Variants in COMT observed in about 807,000 individuals in gnomAD.
COMT encodes catechol-O-methyltransferase.
Under a neutral mutation model 18.9 loss-of-function variants are expected in COMT, and 13 were observed. That is an observed-to-expected ratio of 0.69 (90% CI 0.45 to 1.09). COMT has a LOEUF of 1.09. COMT is among the 50% of genes least tolerant of loss of function. The pLI, the probability that COMT is intolerant of heterozygous loss-of-function variation, is 0.00. For synonymous variants in COMT, 150 were observed against 160.9 expected (o/e 0.93, Z 0.51); for missense variants, 329 against 361.8 (o/e 0.91, Z 0.73).
chr22:19,962,617 T>C lies in COMT; in HGVS notation c.91T>C (p.Trp31Arg). ...GCTGCTGCTTCTGAGGCACTGGGGCTGGGGCCTGTGCCTTATCGGCTGGAA... is the reference window on the plus strand; with the variant it reads ...GCTGCTGCTTCTGAGGCACTGGGGCCGGGGCCTGTGCCTTATCGGCTGGAA... ...VLLLLLRHWG[W>R]GLCLIGWNEF... Residue 31 changes from tryptophan (W) to arginine (R), a missense_variant, in exon 3 of 6, where the codon TGG becomes CGG. Physicochemically the swap from Trp to Arg is moderately radical, Grantham distance 101. Transcript: ENST00000361682. The C allele has an allele frequency of 6.2e-7, 1 of 1,600,900 alleles. No individual in the cohort carries two copies. The highest frequency in any genetic ancestry group is 8.5e-7 in the Non-Finnish European group (1 of 1,173,998).
intron 1 of COMT, among the ~76,000 whole-genome samples, chr22:19,947,850 C>T (rs1941864442): frequency 6.6e-6 from 1 of 152,158 alleles, no homozygotes; most frequent in Admixed American, 6.5e-5. Flanking sequence ...TTTTTCTAGG[C>T]ACTGACGCAA....
rs147632723 is a variant in COMT at position 19,967,496 on chromosome 22, C to T, written c.616-1040C>T. The T allele has an allele frequency of 2.1e-4, 90 of 425,086 alleles. 1 individual carries two copies. Among genetic ancestry groups the T allele is most frequent in the East Asian group, 1.3e-3 (18 of 14,210 alleles). 26.3% of individuals were successfully genotyped at this position (425,086 alleles called of 1,614,324 possible). ...CCCCTGACCTCACTGACCTTGCAGC[C>T]GTGTGGTGTCCATACTGTCACATGA... On this transcript the variant is annotated intron_variant, in intron 5 of 5. Coordinates refer to ENST00000361682, the MANE Select transcript of COMT (RefSeq NM_000754.4).
At position 19,969,037 on chromosome 22, in the gene COMT, T is replaced by G; in HGVS notation, c.*301T>G. 3.6e-6 allele frequency: 1 copy of G among 274,776 alleles called. No individual in the cohort carries two copies. Among genetic ancestry groups the G allele is most frequent in the East Asian group, 9.6e-5 (1 of 10,430 alleles). The allele number at this position is 274,776 out of a possible 1,614,324, so 17.0% of individuals were successfully genotyped here. On this transcript the variant is annotated 3_prime_UTR_variant, in exon 6 of 6. Transcript: ENST00000361682. Reference sequence around the variant, plus strand: ...CTAAATATTTAGATATAACTCGACTTAGTACATCCTTCTCAACTGCCATTC... The same window carrying G: ...CTAAATATTTAGATATAACTCGACTGAGTACATCCTTCTCAACTGCCATTC...
At chr22:19,953,821 G>C (rs112606844) in intron 1 of COMT, among the ~76,000 whole-genome samples, 1,613 of 152,180 alleles carry the variant, frequency 0.011, 37 homozygotes, top group African/African-American at 0.036. Flanking sequence ...GCTGGGAGCC[G>C]GGACACTGAG....
chr22:19,957,145 T>C (rs1438767569), intron 1 of COMT, among the ~76,000 whole-genome samples: 2 of 151,980 alleles, frequency 1.3e-5, no homozygotes, highest in Non-Finnish European at 2.9e-5. Context: ...AGAGACAGGG[T>C]TTCACTGTGT....
In COMT at chr22:19,962,637, C is replaced by T. The variant is rs776476521; in HGVS notation, c.111C>T (p.Gly37=). 7.5e-6 allele frequency: 12 copies of T among 1,606,152 alleles called. No homozygotes were observed. The East Asian group carries it at 2.3e-4, about 30-fold the overall frequency. ...GGGGCTGGGGCCTGTGCCTTATCGG[C>T]TGGAACGAGTTCATCCTGCAGCCCA... ...RHWGWGLCLI[G]WNEFILQPIH... The change falls in exon 3 of 6, where the codon GGC becomes GGT. Residue 37 remains glycine, a synonymous_variant. Coordinates refer to ENST00000361682, the MANE Select transcript of COMT (RefSeq NM_000754.4).
rs540239927 is a variant in COMT, at chr22:19,960,291, A to G, written c.-91-908A>G. ...TGGAGAGTAAACAAAATGGCCCATT[A>G]TCTGACCACACAAATACTAGTAGTC... On this transcript the variant is annotated intron_variant, in intron 1 of 5. Coordinates refer to ENST00000361682, the MANE Select transcript of COMT (RefSeq NM_000754.4). Among the ~76,000 whole-genome samples, 3 of 152,364 alleles carry G rather than the reference A, an allele frequency of 2.0e-5. No individual in the cohort carries two copies. In the East Asian group the frequency reaches 5.8e-4, roughly 29 times the overall value.
chr22:19,946,340 T>C (rs963728172), intron 1 of COMT, among the ~76,000 whole-genome samples: 3 of 151,964 alleles, frequency 2.0e-5, no homozygotes, highest in Admixed American at 6.6e-5. Flanking sequence ...ATACAAAAAT[T>C]AGCCAGTTGT....
At chr22:19,959,961 C>A (rs1942157387) in intron 1 of COMT, among the ~76,000 whole-genome samples, 1 of 152,252 alleles carries the variant, frequency 6.6e-6, no homozygotes, top group Non-Finnish European at 1.5e-5. Flanking sequence ...ACCAGCCAGG[C>A]CCAGCCTGCA....
intron 5 of COMT, chr22:19,965,017 T>A: frequency 6.0e-6 from 1 of 167,480 alleles, no homozygotes; most frequent in Non-Finnish European, 1.3e-5. Flanking sequence ...TCCCAGAAAC[T>A]GGACACTGCT....
At chr22:19,942,538 G>A (rs893302446) in intron 1 of COMT, among the ~76,000 whole-genome samples, 17 of 152,150 alleles carry the variant, frequency 1.1e-4, no homozygotes, top group African/African-American at 3.9e-4. Context: ...TAGAGAAAGG[G>A]GAAGTCACTC....
intron 4 of COMT, 90 bp downstream of exon 4, chr22:19,963,849 T>C (rs1942267066): frequency 1.4e-6 from 2 of 1,457,994 alleles, no homozygotes; most frequent in Non-Finnish European, 1.9e-6. Flanking sequence ...CACCAGGTGT[T>C]CACACCACGT....
chr22:19,958,858 C>A (rs912183552), intron 1 of COMT, among the ~76,000 whole-genome samples: 2 of 152,020 alleles, frequency 1.3e-5, no homozygotes, highest in African/African-American at 2.4e-5. Context: ...CGCCACTGCA[C>A]TCCAGGCTGA....
At chr22:19,960,018 C>T (rs919625341) in intron 1 of COMT, among the ~76,000 whole-genome samples, 2 of 152,228 alleles carry the variant, frequency 1.3e-5, no homozygotes, top group South Asian at 2.1e-4. Flanking sequence ...AAGGGGGCTT[C>T]GGGCCCCTCC....
chr22:19,968,829 G>C lies in COMT; in HGVS notation c.*93G>C. On this transcript the variant is annotated 3_prime_UTR_variant, in exon 6 of 6. Coordinates refer to ENST00000361682, the MANE Select transcript of COMT (RefSeq NM_000754.4). ...TGCTGACCTTCTGCGGCTCCGGGCT[G>C]TGTCCTAAATGCAAAGCACACCTCG... 1 of 1,266,590 alleles carries C rather than the reference G, an allele frequency of 7.9e-7. No individual in the cohort carries two copies. Among genetic ancestry groups the C allele is most frequent in the Non-Finnish European group, 1.1e-6 (1 of 897,528 alleles). The allele number at this position is 1,266,590 out of a possible 1,614,324, so 78.5% of individuals were successfully genotyped here.
chr22:19,956,136 T>C (rs201292809), intron 1 of COMT, among the ~76,000 whole-genome samples: 1 of 112,174 alleles, frequency 8.9e-6, no homozygotes, highest in Non-Finnish European at 1.9e-5. Context: ...TTTCTTTTTT[T>C]CTTTTTTTTT....
chr22:19,946,495 G>T (rs572964763), intron 1 of COMT, among the ~76,000 whole-genome samples: 13 of 152,166 alleles, frequency 8.5e-5, no homozygotes, highest in African/African-American at 2.9e-4. Context: ...CTCAAAAAAA[G>T]AAATAAAGAA....
At chr22:19,963,834 C>A in intron 4 of COMT, 75 bp downstream of exon 4, 1 of 1,509,788 alleles carries the variant, frequency 6.6e-7, no homozygotes, top group East Asian at 2.4e-5. Context: ...GCACTTTGTC[C>A]TCCCCACCAG....
At chr22:19,960,302 C>A (rs190086870) in intron 1 of COMT, among the ~76,000 whole-genome samples, 1 of 152,328 alleles carries the variant, frequency 6.6e-6, no homozygotes, top group East Asian at 1.9e-4. Flanking sequence ...TCTGACCACA[C>A]AAATACTAGT....
Sources: gnomAD v4.1 joint callset for allele counts (sites outside exome capture counted in the v4.1 genomes callset) on GRCh38, gnomAD v4.1.1 for gene constraint, MANE v1.5 for transcripts, NCBI Gene and HGNC (gene_info 2026-07-23, HGNC 2026-07-21) for gene names.